TTC7B: variants seen among roughly 807,000 people sequenced by gnomAD.
TTC7B encodes tetratricopeptide repeat domain 7B.
In TTC7B, 28 loss-of-function variants were observed where a neutral mutation model predicts 106.8. The ratio of observed to expected loss-of-function variants is 0.26; its 90% CI spans 0.19 to 0.36. TTC7B has a LOEUF of 0.36. TTC7B is among the 10% of genes least tolerant of loss of function. The pLI is 1.00. For synonymous variants in TTC7B, 405 were observed against 430.6 expected, an observed-to-expected ratio of 0.94 and a Z score of 0.74; for missense variants, 862 against 1,076.4, an observed-to-expected ratio of 0.80 and a Z score of 2.79.
chr14:90,683,293 C>T (rs12880165), intron 7 of TTC7B, among the ~76,000 whole-genome samples: 93,144 of 151,844 alleles, frequency 0.61, 29,037 homozygotes, highest in East Asian at 0.68. Flanking sequence ...GTAATGGTTC[C>T]TTTATAATTT....
At chr14:90,791,874 A>T (rs1891598952) in intron 1 of TTC7B, among the ~76,000 whole-genome samples, 2 of 152,052 alleles carry the variant, frequency 1.3e-5, no homozygotes, top group African/African-American at 4.8e-5. Context: ...ATGAACTTCT[A>T]TCCTGATCTA....
chr14:90,649,534 G>T (rs1360784633), intron 13 of TTC7B, among the ~76,000 whole-genome samples: 2 of 152,174 alleles, frequency 1.3e-5, no homozygotes, highest in Non-Finnish European at 2.9e-5. Context: ...ATCTAAAGCA[G>T]CCTCATAAAC....
intron 1 of TTC7B, among the ~76,000 whole-genome samples, chr14:90,812,575 C>A (rs2030955375): frequency 6.6e-6 from 1 of 151,972 alleles, no homozygotes; most frequent in East Asian, 1.9e-4. Context: ...GCCACTCATC[C>A]CCAGGCCACA....
chr14:90,673,363 T>C lies in TTC7B; in HGVS notation c.1152+3160A>G, dbSNP rs537588163. On this transcript the variant is annotated intron_variant, in intron 9 of 19. Coordinates refer to ENST00000328459, the MANE Select transcript of TTC7B (RefSeq NM_001010854.2). ...ATTCTCCAAGGAGCATGCAGGACTA[T>C]TGCATATGGCGAAAAGATAAACAGT... Among the ~76,000 whole-genome samples, 7 of 152,280 alleles carry C rather than the reference T, an allele frequency of 4.6e-5. No individual in the cohort carries two copies. The South Asian group carries it at 1.2e-3, about 27-fold the overall frequency.
At chr14:90,668,569 C>T (rs1006716273) in intron 9 of TTC7B, among the ~76,000 whole-genome samples, 3 of 152,138 alleles carry the variant, frequency 2.0e-5, no homozygotes, top group African/African-American at 7.2e-5. Flanking sequence ...TAGTAACATG[C>T]ACTTCTTGCA....
intron 18 of TTC7B, among the ~76,000 whole-genome samples, chr14:90,586,204 C>T (rs952524917): frequency 6.6e-6 from 1 of 152,168 alleles, no homozygotes; most frequent in Admixed American, 6.5e-5. Flanking sequence ...ATGCCGTCTG[C>T]GCTGCTTTCC....
intron 10 of TTC7B, 88 bp downstream of exon 10, chr14:90,658,216 T>G: frequency 2.6e-6 from 3 of 1,135,652 alleles, no homozygotes; most frequent in African/African-American, 1.5e-5. Flanking sequence ...TTCCACAAAG[T>G]CTATCATTCC....
At chr14:90,621,385 C>T (rs1410213050) in intron 15 of TTC7B, among the ~76,000 whole-genome samples, 4 of 137,884 alleles carry the variant, frequency 2.9e-5, no homozygotes, top group Non-Finnish European at 6.3e-5. Context: ...CGGGTACGGC[C>T]GGGACGATGG....
At chr14:90,735,598 C>T (rs1889489674) in intron 4 of TTC7B, among the ~76,000 whole-genome samples, 1 of 152,060 alleles carries the variant, frequency 6.6e-6, no homozygotes, top group African/African-American at 2.4e-5. Context: ...GTGGCTCACG[C>T]CTGTAATCTC....
intron 18 of TTC7B, among the ~76,000 whole-genome samples, chr14:90,589,870 A>G (rs1891881997): frequency 1.3e-5 from 2 of 152,376 alleles, no homozygotes; most frequent in East Asian, 1.9e-4. Flanking sequence ...ATTTAAGATT[A>G]AAATCTAAAT....
Position 90,708,018 on chromosome 14 carries a change from T to C in TTC7B, c.699-12440A>G, listed in dbSNP as rs1192968325. Among the ~76,000 whole-genome samples, 12 of 151,590 alleles carry C rather than the reference T, an allele frequency of 7.9e-5. 1 individual carries two copies. Among genetic ancestry groups the C allele is most frequent in the Admixed American group, 7.9e-4 (12 of 15,204 alleles). ...AAAATTAGCCAGGCGTGGTGATGGG[T>C]GCCTGTAATCCCAGCTACTCCAGAG... On this transcript the variant is annotated intron_variant, in intron 5 of 19. Coordinates refer to ENST00000328459, the MANE Select transcript of TTC7B (RefSeq NM_001010854.2).
At chr14:90,650,379 G>A (rs76100937) in intron 13 of TTC7B, among the ~76,000 whole-genome samples, 1,847 of 152,252 alleles carry the variant, frequency 0.012, 23 homozygotes, top group Non-Finnish European at 0.02. Flanking sequence ...GGAATCTCTC[G>A]TTAGTTACTC....
intron 19 of TTC7B, among the ~76,000 whole-genome samples, chr14:90,571,764 C>T (rs930153470): frequency 2.0e-5 from 3 of 152,284 alleles, no homozygotes; most frequent in Middle Eastern, 3.4e-3. Context: ...GGGCCTTATC[C>T]AGAGGAACAG....
chr14:90,711,533 T>G (rs549193880), intron 5 of TTC7B, among the ~76,000 whole-genome samples: 11 of 152,332 alleles, frequency 7.2e-5, no homozygotes, highest in Middle Eastern at 3.4e-3. Flanking sequence ...GCAATTCTCA[T>G]GCCTCAGCCC....
rs1429470180 is a variant in TTC7B at position 90,525,974 on chromosome 14, T to G, written c.*15394A>C. On this transcript the variant is annotated 3_prime_UTR_variant, in exon 20 of 20. Transcript: ENST00000328459. ...CGATTGGTTAAAAAATAAAAAAAAA[T>G]AAAAAAAATAAAAAAAAAAAAGAAG... is the stretch of plus-strand genomic sequence containing the variant. 2.2e-5 allele frequency: 3 copies of G among 136,800 alleles called. No individual in the cohort carries two copies. Among genetic ancestry groups the G allele is most frequent in the East Asian group, 2.8e-4 (1 of 3,544 alleles). 8.5% of individuals were successfully genotyped at this position (136,800 alleles called of 1,614,324 possible).
chr14:90,616,178 C>T (rs1191626046), intron 16 of TTC7B, among the ~76,000 whole-genome samples: 1 of 152,092 alleles, frequency 6.6e-6, no homozygotes, highest in Non-Finnish European at 1.5e-5. Context: ...AAAGGGGGTA[C>T]AGGCAAAGGA....
At chr14:90,648,081 C>A (rs1383454247) in intron 13 of TTC7B, among the ~76,000 whole-genome samples, 1 of 152,154 alleles carries the variant, frequency 6.6e-6, no homozygotes, top group Non-Finnish European at 1.5e-5. Flanking sequence ...AGCTAACAAA[C>A]CTCCCAGGTG....
intron 9 of TTC7B, among the ~76,000 whole-genome samples, chr14:90,669,854 G>A (rs1886565740): frequency 6.6e-6 from 1 of 152,212 alleles, no homozygotes; most frequent in Non-Finnish European, 1.5e-5. Context: ...TACAGTCACT[G>A]TGAAAAACAG....
chr14:90,707,080 G>A (rs13379344), intron 5 of TTC7B, among the ~76,000 whole-genome samples: 16,552 of 152,086 alleles, frequency 0.11, 992 homozygotes, highest in Admixed American at 0.18. Flanking sequence ...TCATTCTCAA[G>A]GACACAGGGG....
Sources: allele counts gnomAD v4.1 joint callset (sites outside exome capture counted in the v4.1 genomes callset), GRCh38; gene constraint gnomAD v4.1.1; transcripts MANE v1.5; gene names NCBI Gene and HGNC (gene_info 2026-07-23, HGNC 2026-07-21).